FNDC3B: variants seen among roughly 807,000 people sequenced by gnomAD.
FNDC3B encodes the protein fibronectin type III domain-containing protein 3B.
Under a neutral mutation model 151.5 loss-of-function variants are expected in FNDC3B, and 12 were observed. That is an observed-to-expected ratio of 0.08 (90% CI 0.05 to 0.13). The LOEUF is 0.13. Among genes scored for constraint, FNDC3B ranks in the 10% least tolerant of loss-of-function variants. The pLI is 1.00. For synonymous variants in FNDC3B, 528 were observed against 549.0 expected (o/e 0.96, Z 0.54); for missense variants, 1,214 against 1,505.3 (o/e 0.81, Z 3.20).
intron 24 of FNDC3B, among the ~76,000 whole-genome samples, chr3:172,379,222 C>G (rs1218039494): frequency 2.6e-5 from 4 of 152,252 alleles, no homozygotes; most frequent in Non-Finnish European, 5.9e-5. Flanking sequence ...GCCTCATCTC[C>G]TGCAAATACT....
At chr3:172,370,367 C>T (rs1734828927) in intron 23 of FNDC3B, among the ~76,000 whole-genome samples, 1 of 152,182 alleles carries the variant, frequency 6.6e-6, no homozygotes, top group Non-Finnish European at 1.5e-5. Flanking sequence ...CATGATGGAA[C>T]TTCTTCCTTC....
intron 3 of FNDC3B, among the ~76,000 whole-genome samples, chr3:172,154,694 T>G (rs1347483056): frequency 6.6e-6 from 1 of 152,166 alleles, no homozygotes; most frequent in Non-Finnish European, 1.5e-5. Flanking sequence ...CATACTTAAT[T>G]GAGAAACCAC....
At chr3:172,289,273 A>G (rs1395464253) in intron 7 of FNDC3B, among the ~76,000 whole-genome samples, 2 of 152,020 alleles carry the variant, frequency 1.3e-5, no homozygotes, top group African/African-American at 4.8e-5. Flanking sequence ...CCATTCTCAC[A>G]TGCCTGTCTC....
chr3:172,132,925 G>C (rs1721175251), intron 2 of FNDC3B, among the ~76,000 whole-genome samples: 1 of 152,058 alleles, frequency 6.6e-6, no homozygotes, highest in South Asian at 2.1e-4. Flanking sequence ...TTGGGTATTT[G>C]GCGGGGCCTA....
chr3:172,064,300 G>A lies in FNDC3B; in HGVS notation c.-29+24529G>A, dbSNP rs12494464. On this transcript the variant is annotated intron_variant, in intron 1 of 25. Coordinates refer to ENST00000415807, the MANE Select transcript of FNDC3B (RefSeq NM_022763.4). ...TTGATTTTGGACTTACCAACCCCGA[G>A]AACTGTAAGAAATGAATTTCTGTTG... Among the ~76,000 whole-genome samples the A allele has an allele frequency of 1.1e-3, 165 of 152,220 alleles. 1 individual carries two copies. Among genetic ancestry groups the A allele is most frequent in the Admixed American group, 9.5e-3 (146 of 15,296 alleles).
At chr3:172,184,399 G>C (rs1724070198) in intron 3 of FNDC3B, 1 of 151,832 alleles carries the variant, frequency 6.6e-6, no homozygotes. Context: ...AGAGAGGGAG[G>C]GTATGCTTTC....
At chr3:172,043,105 C>T (rs1015629263) in intron 1 of FNDC3B, among the ~76,000 whole-genome samples, 2 of 151,918 alleles carry the variant, frequency 1.3e-5, no homozygotes. Flanking sequence ...TTAGTAGAGA[C>T]GGGTTTTCAC....
At chr3:172,306,824 G>C (rs2108243553) in intron 9 of FNDC3B, 1 of 152,842 alleles carries the variant, frequency 6.5e-6, no homozygotes, top group Admixed American at 6.5e-5. Context: ...TGTGGAATTA[G>C]AGAAAGTCAC....
At chr3:172,147,627 G>A (rs1434990512) in intron 3 of FNDC3B, among the ~76,000 whole-genome samples, 1 of 152,146 alleles carries the variant, frequency 6.6e-6, no homozygotes, top group Admixed American at 6.5e-5. Flanking sequence ...CACCTGGAGG[G>A]CCTGTTAAAA....
chr3:172,300,278 C>A (rs950349585), intron 9 of FNDC3B, among the ~76,000 whole-genome samples: 1 of 152,180 alleles, frequency 6.6e-6, no homozygotes, highest in African/African-American at 2.4e-5. Context: ...TAAATGTTAT[C>A]TATTATTCAT....
At chr3:172,376,831 G>A (rs1735166848) in intron 23 of FNDC3B, among the ~76,000 whole-genome samples, 1 of 147,776 alleles carries the variant, frequency 6.8e-6, no homozygotes, top group South Asian at 2.1e-4. Context: ...AGTAAGCATT[G>A]ACTCTGACAG....
chr3:172,050,366 T>C (rs1363961124), intron 1 of FNDC3B, among the ~76,000 whole-genome samples: 1 of 151,584 alleles, frequency 6.6e-6, no homozygotes, highest in Non-Finnish European at 1.5e-5. Context: ...AATGTGTACA[T>C]GTACTCTCTG....
chr3:172,083,852 T>A (rs1240969871), intron 1 of FNDC3B, among the ~76,000 whole-genome samples: 2 of 152,226 alleles, frequency 1.3e-5, no homozygotes, highest in Non-Finnish European at 2.9e-5. Flanking sequence ...TTAATCTTTT[T>A]GTGAAATGAA....
intron 17 of FNDC3B, 136 bp from the exon 18 acceptor site, chr3:172,342,875 C>A: frequency 1.8e-5 from 10 of 563,870 alleles, no homozygotes; most frequent in Admixed American, 8.6e-5. Context: ...AAAAGCATAC[C>A]ATAATGTGCA....
At position 172,378,395 on chromosome 3, in the gene FNDC3B, A is replaced by G. The variant is rs1735264101; in HGVS notation, c.3134A>G (p.Tyr1045Cys). Residue 1045 changes from tyrosine (Y) to cysteine (C), a missense_variant, in exon 24 of 26, where the codon TAT becomes TGT. This residue lies in a region of FNDC3B where 284 missense variants were observed against 392.4 expected (regional missense o/e 0.72). Coordinates refer to ENST00000415807, the MANE Select transcript of FNDC3B (RefSeq NM_022763.4). ...GGAGAAGGGCCCTTCTCAGAAACCT[A>G]TACCTTCAGCACAACCAAAAGTGTC... Reference protein sequence around the residue: ...EAGEGPFSETYTFSTTKSVPP... With the variant: ...EAGEGPFSETCTFSTTKSVPP... 2 of 1,613,924 alleles carry G rather than the reference A, an allele frequency of 1.2e-6. No individual in the cohort carries two copies. Among genetic ancestry groups the G allele is most frequent in the Non-Finnish European group, 8.5e-7 (1 of 1,179,926 alleles).
chr3:172,128,334 ATG>A (rs1720904610), intron 2 of FNDC3B, among the ~76,000 whole-genome samples: 1 of 152,194 alleles, frequency 6.6e-6, no homozygotes, highest in Non-Finnish European at 1.5e-5. Flanking sequence ...TTTTCTTTGC[ATG>A]TGTTATTACC....
chr3:172,309,167 T>A (rs1188296352), intron 10 of FNDC3B, among the ~76,000 whole-genome samples: 1 of 152,202 alleles, frequency 6.6e-6, no homozygotes, highest in Non-Finnish European at 1.5e-5. Flanking sequence ...TTAGTTCAGT[T>A]TTCATTTAAA....
At chr3:172,353,282 G>A (rs770751727) in intron 22 of FNDC3B, among the ~76,000 whole-genome samples, 199 bp downstream of exon 22, 4 of 152,088 alleles carry the variant, frequency 2.6e-5, no homozygotes, top group Non-Finnish European at 1.5e-5. Flanking sequence ...CTCACTGGAC[G>A]GTTTTGTGTC....
At chr3:172,265,879 T>G (rs1728896855) in intron 6 of FNDC3B, among the ~76,000 whole-genome samples, 1 of 152,206 alleles carries the variant, frequency 6.6e-6, no homozygotes. Flanking sequence ...TGCTGCCTTG[T>G]TGTGAGCAGA....
Sources: gnomAD v4.1 joint callset for allele counts (sites outside exome capture counted in the v4.1 genomes callset) on GRCh38, gnomAD v4.1.1 for gene constraint, gnomAD v4.1.1 regional missense constraint, MANE v1.5 for transcripts, NCBI Gene and HGNC (gene_info 2026-07-23, HGNC 2026-07-21) for gene names.